HS6ST3: variants seen among roughly 807,000 people sequenced by gnomAD.
HS6ST3 encodes heparan sulfate 6-O-sulfotransferase 3.
HS6ST3 carries 12 observed loss-of-function variants against 36.7 expected under a neutral mutation model. The observed-to-expected ratio is 0.33, with a 90% CI of 0.21 to 0.53. The LOEUF (loss-of-function observed/expected upper bound fraction) is 0.53. HS6ST3 is among the 20% of genes least tolerant of loss of function. The pLI is 0.95. For missense variants in HS6ST3, 584 were observed against 640.9 expected, an observed-to-expected ratio of 0.91 and a Z score of 0.96; for synonymous variants, 240 against 257.5, an observed-to-expected ratio of 0.93 and a Z score of 0.65.
At chr13:96,195,421 C>A (rs1347225918) in intron 1 of HS6ST3, among the ~76,000 whole-genome samples, 1 of 152,200 alleles carries the variant, frequency 6.6e-6, no homozygotes, top group Admixed American at 6.5e-5. Flanking sequence ...AGCATCTTCT[C>A]ATCTCTGTGC....
intron 1 of HS6ST3, among the ~76,000 whole-genome samples, chr13:96,625,602 TAA>T (rs1372263950): frequency 6.6e-6 from 1 of 152,174 alleles, no homozygotes; most frequent in East Asian, 1.9e-4. Flanking sequence ...ATATTTTAAT[TAA>T]ATTTTCCTAA....
chr13:96,702,795 T>G (rs1355831031), intron 1 of HS6ST3, among the ~76,000 whole-genome samples: 1 of 152,170 alleles, frequency 6.6e-6, no homozygotes, highest in Non-Finnish European at 1.5e-5. Context: ...GTATGTAAGT[T>G]CACAAGGCAT....
intron 1 of HS6ST3, among the ~76,000 whole-genome samples, chr13:96,403,459 G>A (rs75347726): frequency 0.035 from 5,327 of 152,216 alleles, 127 homozygotes; most frequent in Middle Eastern, 0.085. Flanking sequence ...ATCTGAGAGT[G>A]ATCATCATTT....
At chr13:96,472,144 C>T (rs573391264) in intron 1 of HS6ST3, among the ~76,000 whole-genome samples, 26 of 152,328 alleles carry the variant, frequency 1.7e-4, no homozygotes, top group Middle Eastern at 3.4e-3. Context: ...TTCATCTTCT[C>T]TATTCTATTG....
intron 1 of HS6ST3, among the ~76,000 whole-genome samples, chr13:96,382,015 C>T (rs985266837): frequency 3.3e-5 from 5 of 152,032 alleles, no homozygotes; most frequent in African/African-American, 7.2e-5. Flanking sequence ...CAAGAAGGCA[C>T]GGTGGCTCAT....
At chr13:96,401,502 C>T (rs967842923) in intron 1 of HS6ST3, among the ~76,000 whole-genome samples, 2 of 152,194 alleles carry the variant, frequency 1.3e-5, no homozygotes, top group African/African-American at 4.8e-5. Context: ...TGTCCTTTCT[C>T]AGTTTCTTAT....
intron 1 of HS6ST3, among the ~76,000 whole-genome samples, chr13:96,820,690 C>G (rs936863921): frequency 6.6e-6 from 1 of 152,252 alleles, no homozygotes; most frequent in African/African-American, 2.4e-5. Flanking sequence ...TCGAATCTGT[C>G]TGACTTCAAA....
At chr13:96,753,658 T>C (rs1233516494) in intron 1 of HS6ST3, among the ~76,000 whole-genome samples, 4 of 152,134 alleles carry the variant, frequency 2.6e-5, no homozygotes, top group South Asian at 4.1e-4. Context: ...TCTTTGGTTG[T>C]TTTTTCTGTT....
intron 1 of HS6ST3, among the ~76,000 whole-genome samples, chr13:96,480,258 T>C (rs956962014): frequency 7.9e-5 from 12 of 152,120 alleles, no homozygotes; most frequent in African/African-American, 2.6e-4. Context: ...GGATTACAGG[T>C]GCCTGCCACC....
chr13:96,288,139 C>T (rs1394791224), intron 1 of HS6ST3, among the ~76,000 whole-genome samples: 2 of 126,372 alleles, frequency 1.6e-5, no homozygotes, highest in Admixed American at 7.6e-5. Flanking sequence ...TGTAATAAGC[C>T]CTAAGGGTGA....
At chr13:96,278,164 A>G (rs1460657204) in intron 1 of HS6ST3, among the ~76,000 whole-genome samples, 2 of 152,174 alleles carry the variant, frequency 1.3e-5, no homozygotes, top group African/African-American at 4.8e-5. Flanking sequence ...TGCCAGTAGG[A>G]TATCTGAAAT....
intron 1 of HS6ST3, among the ~76,000 whole-genome samples, chr13:96,292,569 A>T (rs75571955): frequency 1.3e-5 from 2 of 151,870 alleles, no homozygotes; most frequent in African/African-American, 4.8e-5. Flanking sequence ...TTACCTTTCT[A>T]TTAAAAGTAT....
At chr13:96,308,892 C>T (rs1055992518) in intron 1 of HS6ST3, among the ~76,000 whole-genome samples, 7 of 151,842 alleles carry the variant, frequency 4.6e-5, no homozygotes, top group Non-Finnish European at 7.4e-5. Context: ...AGAGTTTTAC[C>T]GATAGGAAAT....
At chr13:96,675,423 C>T (rs1347637330) in intron 1 of HS6ST3, among the ~76,000 whole-genome samples, 3 of 151,450 alleles carry the variant, frequency 2.0e-5, no homozygotes, top group South Asian at 2.1e-4. Context: ...GTGTGTTTGT[C>T]GCTCAATTTT....
intron 1 of HS6ST3, among the ~76,000 whole-genome samples, chr13:96,284,505 T>C (rs193012967): frequency 6.6e-6 from 1 of 152,308 alleles, no homozygotes; most frequent in African/African-American, 2.4e-5. Context: ...AGTCTTTCCA[T>C]GTTCTTCTGC....
intron 1 of HS6ST3, among the ~76,000 whole-genome samples, chr13:96,315,034 A>G (rs1268194063): frequency 6.6e-6 from 1 of 152,182 alleles, no homozygotes; most frequent in Non-Finnish European, 1.5e-5. Context: ...GCAGATGAAC[A>G]GACCTTACCT....
At chr13:96,602,504 C>T (rs1346821194) in intron 1 of HS6ST3, among the ~76,000 whole-genome samples, 1 of 152,314 alleles carries the variant, frequency 6.6e-6, no homozygotes, top group Admixed American at 6.5e-5. Context: ...GGTGCTTGGG[C>T]AGGTCAGAAG....
intron 1 of HS6ST3, among the ~76,000 whole-genome samples, chr13:96,166,578 T>TC (rs1475680112): frequency 1.2e-4 from 18 of 148,418 alleles, no homozygotes; most frequent in African/African-American, 3.9e-4. Flanking sequence ...TTTCTTTCTT[T>TC]TTTTTTTTTT....
chr13:96,471,482 G>A (rs1016611215), intron 1 of HS6ST3, among the ~76,000 whole-genome samples: 2 of 152,160 alleles, frequency 1.3e-5, no homozygotes, highest in East Asian at 3.9e-4. Context: ...TGGGGGTCAT[G>A]AGCTGAACAG....
Sources: gnomAD v4.1 joint callset for allele counts (sites outside exome capture counted in the v4.1 genomes callset) on GRCh38, gnomAD v4.1.1 for gene constraint, MANE v1.5 for transcripts, NCBI Gene and HGNC (gene_info 2026-07-23, HGNC 2026-07-21) for gene names.